Variants in TRIO observed in about 807,000 individuals in gnomAD.
TRIO encodes triple functional domain protein.
A neutral mutation model predicts 351.9 loss-of-function variants in TRIO; 58 were observed. The ratio of observed to expected loss-of-function variants is 0.16; its 90% CI spans 0.13 to 0.21. The LOEUF is 0.21. TRIO is among the 10% of genes least tolerant of loss of function. The probability of loss-of-function intolerance (pLI) is 1.00; values close to 1 mark genes in which losing one functional copy is unlikely to be tolerated. For missense variants in TRIO, 3,201 were observed against 4,027.8 expected (o/e 0.79, Z 5.56); for synonymous variants, 1,758 against 1,595.7 (o/e 1.10, Z -2.42).
At chr5:14,437,686 A>AAC (rs1751696214) in intron 34 of TRIO, among the ~76,000 whole-genome samples, 1 of 99,330 alleles carries the variant, frequency 1.0e-5, no homozygotes, top group African/African-American at 4.5e-5. Flanking sequence ...GATGAGGACC[A>AAC]CCCCCCCCGC....
chr5:14,499,031 T>C (rs114580630), intron 53 of TRIO: 3,223 of 203,950 alleles, frequency 0.016, 36 homozygotes, highest in Non-Finnish European at 0.023. Flanking sequence ...TGAATCTGGA[T>C]CTGGTCTAGG....
At chr5:14,216,353 C>T (rs1430393817) in intron 1 of TRIO, among the ~76,000 whole-genome samples, 1 of 152,182 alleles carries the variant, frequency 6.6e-6, no homozygotes, top group Non-Finnish European at 1.5e-5. Context: ...ACTTGTCCAA[C>T]AATTGTTGTT....
At chr5:14,388,530 CTG>C in intron 23 of TRIO, 81 bp from the exon 24 acceptor site, 5 of 1,342,192 alleles carry the variant, frequency 3.7e-6, no homozygotes, top group Non-Finnish European at 5.3e-6. Flanking sequence ...TAGACCCACT[CTG>C]TTATTTCATA....
At chr5:14,236,604 C>T (rs185379731) in intron 1 of TRIO, among the ~76,000 whole-genome samples, 1 of 152,162 alleles carries the variant, frequency 6.6e-6, no homozygotes, top group Admixed American at 6.5e-5. Context: ...AATGGTTTCT[C>T]CCTCATTCAA....
chr5:14,302,103 C>T (rs1388530967), intron 7 of TRIO, among the ~76,000 whole-genome samples: 2 of 152,176 alleles, frequency 1.3e-5, no homozygotes, highest in Non-Finnish European at 2.9e-5. Context: ...GTTCTAATTA[C>T]AGGAATATGT....
chr5:14,447,712 A>G (rs1752544612), intron 34 of TRIO, among the ~76,000 whole-genome samples: 1 of 152,254 alleles, frequency 6.6e-6, no homozygotes, highest in African/African-American at 2.4e-5. Flanking sequence ...GGAAGACATT[A>G]GCCAAAAATA....
intron 6 of TRIO, among the ~76,000 whole-genome samples, chr5:14,295,021 G>C (rs1737228767): frequency 6.6e-6 from 1 of 152,050 alleles, no homozygotes; most frequent in South Asian, 2.1e-4. Context: ...GGGTAGCTCG[G>C]TGCCATGAAG....
intron 9 of TRIO, among the ~76,000 whole-genome samples, chr5:14,329,650 G>A (rs1465778870): frequency 6.6e-6 from 1 of 152,210 alleles, no homozygotes; most frequent in Non-Finnish European, 1.5e-5. Flanking sequence ...CAAAGTATGA[G>A]TGAACCTTCA....
At chr5:14,347,951 A>T (rs1193207840) in intron 11 of TRIO, among the ~76,000 whole-genome samples, 1 of 152,246 alleles carries the variant, frequency 6.6e-6, no homozygotes, top group African/African-American at 2.4e-5. Context: ...ACAGAGTAAG[A>T]ATCACATAGG....
chr5:14,368,571 A>G (rs1744801710), intron 16 of TRIO, 137 bp from the exon 17 acceptor site: 1 of 886,942 alleles, frequency 1.1e-6, no homozygotes, highest in East Asian at 2.7e-5. Context: ...CTGTGCTTTT[A>G]GAAGCATCCT....
chr5:14,257,117 C>T (rs982019737), intron 1 of TRIO, among the ~76,000 whole-genome samples: 6 of 152,216 alleles, frequency 3.9e-5, no homozygotes, highest in Non-Finnish European at 7.3e-5. Context: ...AGGTGGAAGC[C>T]GAAGATGGGA....
intron 34 of TRIO, among the ~76,000 whole-genome samples, chr5:14,459,534 C>A (rs935383756): frequency 3.3e-5 from 5 of 152,196 alleles, no homozygotes; most frequent in African/African-American, 1.2e-4. Flanking sequence ...TCACACAAGT[C>A]CATGGATTGG....
intron 41 of TRIO, among the ~76,000 whole-genome samples, chr5:14,477,556 T>C (rs1755175687): frequency 6.6e-6 from 1 of 152,220 alleles, no homozygotes; most frequent in Non-Finnish European, 1.5e-5. Context: ...AGGATGAGTA[T>C]TTTAATAGCC....
chr5:14,165,565 A>G (rs1006541586), intron 1 of TRIO, among the ~76,000 whole-genome samples: 4 of 151,684 alleles, frequency 2.6e-5, no homozygotes, highest in African/African-American at 7.3e-5. Flanking sequence ...GTGCAGCTGT[A>G]TTTTTATTTT....
At chr5:14,402,384 T>A (rs924654895) in intron 31 of TRIO, among the ~76,000 whole-genome samples, 1 of 152,202 alleles carries the variant, frequency 6.6e-6, no homozygotes, top group Admixed American at 6.5e-5. Flanking sequence ...AGGTACAAGT[T>A]TTCTAGGGAA....
At position 14,498,080 on chromosome 5, in the gene TRIO, C is replaced by T; in HGVS notation, c.8048-9C>T. 6.2e-7 allele frequency: 1 copy of T among 1,614,076 alleles called. No homozygotes were observed. The highest frequency in any genetic ancestry group is 8.5e-7 in the Non-Finnish European group (1 of 1,179,996). The stretch of plus-strand genomic sequence containing the variant: ...CTGATGGGCCTTTACCGACTCCTTT[C>T]CCATGCAGTTCCCCCAGAATTCGTC... On this transcript the variant is annotated splice_polypyrimidine_tract_variant and intron_variant, in intron 51 of 56. Coordinates refer to ENST00000344204, the MANE Select transcript of TRIO (RefSeq NM_007118.4).
At chr5:14,474,996 A>T (rs1754953311) in intron 40 of TRIO, among the ~76,000 whole-genome samples, 1 of 152,152 alleles carries the variant, frequency 6.6e-6, no homozygotes, top group Non-Finnish European at 1.5e-5. Flanking sequence ...TAATGGAAAA[A>T]GTAGACACGA....
chr5:14,474,183 C>A, intron 40 of TRIO, 86 bp downstream of exon 40: 2 of 1,314,896 alleles, frequency 1.5e-6, no homozygotes, highest in South Asian at 1.3e-5. Flanking sequence ...GGAATTTATT[C>A]TGTTCATCGT....
intron 1 of TRIO, among the ~76,000 whole-genome samples, chr5:14,186,779 T>C (rs896688993): frequency 6.6e-6 from 1 of 152,058 alleles, no homozygotes; most frequent in African/African-American, 2.4e-5. Context: ...GGTTTCACCA[T>C]GTTGGCCAGG....
Sources: allele counts gnomAD v4.1 joint callset (sites outside exome capture counted in the v4.1 genomes callset), GRCh38; gene constraint gnomAD v4.1.1; transcripts MANE v1.5; gene names NCBI Gene and HGNC (gene_info 2026-07-23, HGNC 2026-07-21).